Variants in LSG1 observed in about 807,000 individuals in gnomAD.
The protein encoded by LSG1 is large 60S subunit nuclear export GTPase 1, also known as large subunit GTPase 1 homolog.
Under a neutral mutation model 82.6 loss-of-function variants are expected in LSG1, and 55 were observed. The observed-to-expected ratio is 0.67, with a 90% CI of 0.54 to 0.83. LSG1 has a LOEUF of 0.83. LSG1 is among the 40% of genes least tolerant of loss of function. The pLI is 0.00. For synonymous variants in LSG1, 272 were observed against 282.5 expected, an observed-to-expected ratio of 0.96 and a Z score of 0.37; for missense variants, 809 against 807.9, an observed-to-expected ratio of 1.00 and a Z score of -0.02.
chr3:194,667,556 T>C (rs1169641955), intron 2 of LSG1, among the ~76,000 whole-genome samples: 4 of 152,154 alleles, frequency 2.6e-5, no homozygotes, highest in Non-Finnish European at 5.9e-5. Flanking sequence ...TCCCACTTCC[T>C]GTTTCTCTAG....
intron 5 of LSG1, among the ~76,000 whole-genome samples, chr3:194,663,254 C>T (rs1024333602): frequency 1.3e-5 from 2 of 152,160 alleles, no homozygotes; most frequent in Non-Finnish European, 2.9e-5. Context: ...TACTCTGCTC[C>T]ACAGCAGTTC....
intron 11 of LSG1, among the ~76,000 whole-genome samples, chr3:194,646,665 C>T (rs1005470486): frequency 3.3e-5 from 5 of 152,314 alleles, no homozygotes; most frequent in Non-Finnish European, 7.3e-5. Context: ...GGATTACAGG[C>T]GCATGCCACC....
In LSG1 at chr3:194,646,205, G is replaced by T; in HGVS notation, c.1582C>A (p.Gln528Lys). ...AGGATGTAGCGCGCAGATCGAGGCT[G>T]GTCTGGCTGTCCATGCGCTGTCATG... ...GFMTAHGQPD[Q>K]PRSARYILKD... Residue 528 changes from glutamine to lysine, a missense_variant, in exon 12 of 14, where the codon CAG (glutamine) becomes AAG (lysine). Gln to Lys is a moderately conservative substitution (Grantham distance 53). Coordinates refer to ENST00000265245, the MANE Select transcript of LSG1 (RefSeq NM_018385.3). 1 of 1,614,104 alleles carries T rather than the reference G, an allele frequency of 6.2e-7. No individual in the cohort carries two copies. The highest frequency in any genetic ancestry group is 1.6e-4 in the Middle Eastern group (1 of 6,062).
In LSG1 at chr3:194,641,795, T is replaced by C. The variant is rs529850244; in HGVS notation, c.*273A>G. The C allele has an allele frequency of 9.0e-5, 25 of 278,026 alleles. No individual in the cohort carries two copies. The South Asian group carries it at 2.4e-3, about 27-fold the overall frequency. 17.2% of individuals were successfully genotyped at this position (278,026 alleles called of 1,614,324 possible). A position where few individuals can be genotyped will look rare whatever the true frequency, so the allele number is the denominator to read the frequency against. On this transcript the variant is annotated 3_prime_UTR_variant, in exon 14 of 14. Coordinates refer to ENST00000265245, the MANE Select transcript of LSG1 (RefSeq NM_018385.3). Reference sequence around the variant, plus strand: ...CGCCTGGCTAATTTTTTTGTATTTTTAGTAGAGACGGGGTTTCTCCATGTT... The same window carrying C: ...CGCCTGGCTAATTTTTTTGTATTTTCAGTAGAGACGGGGTTTCTCCATGTT...
chr3:194,658,987 G>A lies in LSG1; in HGVS notation c.729C>T (p.Ala243=), dbSNP rs780018726. 16 of 1,613,960 alleles carry A rather than the reference G, an allele frequency of 9.9e-6. No homozygotes were observed. Among genetic ancestry groups the A allele is most frequent in the East Asian group, 4.5e-5 (2 of 44,902 alleles). The change falls in exon 7 of 14, where the codon GCC becomes GCT. Residue 243 remains alanine, a synonymous_variant. Transcript: ENST00000265245. ...DVKVIFWSAL[A]GAIPLNGDSE... ...AGTCACCATTCAGGGGAATGGCTCC[G>A]GCCAAAGCTGACCAGAAAATAACCT...
chr3:194,647,527 T>A (rs1051039381), intron 11 of LSG1, among the ~76,000 whole-genome samples: 1 of 152,248 alleles, frequency 6.6e-6, no homozygotes, highest in Non-Finnish European at 1.5e-5. Context: ...TTCTTCTATA[T>A]GGACTTGCAG....
At chr3:194,648,085 T>A (rs1370717538) in intron 11 of LSG1, among the ~76,000 whole-genome samples, 1 of 151,246 alleles carries the variant, frequency 6.6e-6, no homozygotes, top group Non-Finnish European at 1.5e-5. Context: ...ATTTTTTTTT[T>A]TTTTTTTTTT....
intron 11 of LSG1, among the ~76,000 whole-genome samples, chr3:194,647,293 A>T (rs974972794): frequency 4.6e-5 from 7 of 152,348 alleles, no homozygotes; most frequent in Middle Eastern, 3.4e-3. Context: ...CTTTGGGGCC[A>T]AAGAAACCAT....
rs745441118 is a variant in LSG1, at chr3:194,648,698, A to G, written c.1526T>C (p.Leu509Pro). Residue 509 changes from leucine to proline, a missense_variant, in exon 11 of 14, where the codon CTG becomes CCG. Leu to Pro is a moderately conservative substitution (Grantham distance 98). Transcript: ENST00000265245. The part of the protein sequence containing the change: ...DPHRPPTSEE[L>P]LTAYGYMRGF... ...CAACTTACATCCATAAGCTGTCAAC[A>G]GTTCTTCCGATGTTGGAGGTCGGTG... 3.1e-6 allele frequency: 5 copies of G among 1,614,002 alleles called. No homozygotes were observed. Among genetic ancestry groups the G allele is most frequent in the Admixed American group, 3.3e-5 (2 of 59,992 alleles).
chr3:194,659,995 A>C, intron 6 of LSG1, 78 bp downstream of exon 6: 1 of 1,240,172 alleles, frequency 8.1e-7, no homozygotes, highest in Non-Finnish European at 1.2e-6. Flanking sequence ...ATGTATGCCT[A>C]CAGTCATTGC....
At chr3:194,642,321 T>C in intron 13 of LSG1, 74 bp from the exon 14 acceptor site, 1 of 1,290,674 alleles carries the variant, frequency 7.7e-7, no homozygotes, top group Non-Finnish European at 1.1e-6. Context: ...GTACTATTAG[T>C]GGATCACTTC....
At chr3:194,648,646 C>A (rs374636631) in intron 11 of LSG1, 35 bp downstream of exon 11, 9 of 1,610,336 alleles carry the variant, frequency 5.6e-6, no homozygotes, top group Non-Finnish European at 7.6e-6. Flanking sequence ...TATACTGTTA[C>A]TTTTGTTCAC....
At position 194,648,689 on chromosome 3, in the gene LSG1, G is replaced by A. The variant is rs1266728308; in HGVS notation, c.1535C>T (p.Ala512Val). 4 of 1,613,944 alleles carry A rather than the reference G, an allele frequency of 2.5e-6. No homozygotes were observed. The South Asian group carries it at 4.4e-5, about 18-fold the overall frequency. Residue 512 changes from alanine (A) to valine (V), a missense_variant, in exon 11 of 14, where the codon GCT becomes GTT. By Grantham distance (64) the Ala-to-Val change is moderately conservative (BLOSUM62 0). Coordinates refer to ENST00000265245, the MANE Select transcript of LSG1 (RefSeq NM_018385.3). ...GATGAATCACAACTTACATCCATAA[G>A]CTGTCAACAGTTCTTCCGATGTTGG... is the stretch of plus-strand genomic sequence containing the variant. Reference protein sequence around the residue: ...RPPTSEELLTAYGYMRGFMTA... With the variant: ...RPPTSEELLTVYGYMRGFMTA...
intron 11 of LSG1, among the ~76,000 whole-genome samples, chr3:194,646,648 G>A (rs1718560558): frequency 6.6e-6 from 1 of 152,162 alleles, no homozygotes; most frequent in African/African-American, 2.4e-5. Context: ...AGCCTCCCAA[G>A]TACCTGGGAT....
chr3:194,672,090 G>T lies in LSG1; in HGVS notation c.73C>A (p.Arg25=). The T allele has an allele frequency of 1.9e-6, 3 of 1,611,642 alleles. No homozygotes were observed. Among genetic ancestry groups the T allele is most frequent in the Non-Finnish European group, 2.5e-6 (3 of 1,179,986 alleles). The part of the protein sequence containing the change: ...ALMRHQTQRS[R]SHRHTDSWLH... ...CAGGAGTCAGTGTGACGATGGCTTC[G>T]GCTCCGCTGAGTCTGATGGCGCATA... is the stretch of plus-strand genomic sequence containing the variant. Residue 25 remains arginine (R), a synonymous_variant, in exon 1 of 14, where the codon CGA becomes AGA. Coordinates refer to ENST00000265245, the MANE Select transcript of LSG1 (RefSeq NM_018385.3).
In LSG1 at chr3:194,642,265, A is replaced by C. The variant is rs1226379349; in HGVS notation, c.1798-18T>G. 1 of 1,606,546 alleles carries C rather than the reference A, an allele frequency of 6.2e-7. No individual in the cohort carries two copies. The highest frequency in any genetic ancestry group is 1.3e-5 in the African/African-American group (1 of 74,592). On this transcript the variant is annotated intron_variant, in intron 13 of 13. Transcript: ENST00000265245. ...ACATTCTCCTAGGAAATAAGAGAAA[A>C]CATTATCTGAGCTGTCAGCAGGCTA...
chr3:194,641,128 C>T lies in LSG1; in HGVS notation c.*940G>A, dbSNP rs905202273. 2 of 152,214 alleles carry T rather than the reference C, an allele frequency of 1.3e-5. No individual in the cohort carries two copies. 9.4% of individuals were successfully genotyped at this position (152,214 alleles called of 1,614,324 possible). A position where few individuals can be genotyped will look rare whatever the true frequency, so the allele number is the denominator to read the frequency against. On this transcript the variant is annotated 3_prime_UTR_variant, in exon 14 of 14. Coordinates refer to ENST00000265245, the MANE Select transcript of LSG1 (RefSeq NM_018385.3). ...TCGGTGAGGACACAGATCCAAACCA[C>T]ATCAACAGTGCTTTCATGCTTTTGA...
At chr3:194,644,779 C>CCATCTGCACTGTTGCACAGATGCA (rs776678025) in intron 12 of LSG1, 33 bp from the exon 13 acceptor site, 2 of 1,553,308 alleles carry the variant, frequency 1.3e-6, no homozygotes, top group South Asian at 2.5e-5. Flanking sequence ...AACAGTGCAG[C>CCATCTGCACTGTTGCACAGATGCA]CTAAGTGCCA....
In LSG1 at chr3:194,666,191, T is replaced by C; in HGVS notation, c.434+12A>G. ...TTTCAAAGTAAGTCTTCATAGAGTC[T>C]ATAATACTCACCGGACAAGCTGACG... On this transcript the variant is annotated intron_variant, in intron 4 of 13. Transcript: ENST00000265245. The C allele has an allele frequency of 1.9e-6, 3 of 1,609,118 alleles. No individual in the cohort carries two copies. Among genetic ancestry groups the C allele is most frequent in the Non-Finnish European group, 2.6e-6 (3 of 1,175,372 alleles).
Sources: gnomAD v4.1 joint callset for allele counts (sites outside exome capture counted in the v4.1 genomes callset) on GRCh38, gnomAD v4.1.1 for gene constraint, MANE v1.5 for transcripts, NCBI Gene and HGNC (gene_info 2026-07-23, HGNC 2026-07-21) for gene names.